MARCHF1: variants seen among roughly 807,000 people sequenced by gnomAD.
The protein encoded by MARCHF1 is membrane associated ring-CH-type finger 1.
Under a neutral mutation model 54.2 loss-of-function variants are expected in MARCHF1, and 40 were observed. The observed-to-expected ratio is 0.74, with a 90% CI of 0.57 to 0.96. MARCHF1 has a LOEUF of 0.96. Ranked by LOEUF, MARCHF1 falls within the 40% of genes least tolerant of loss-of-function variation. The pLI, the probability that MARCHF1 is intolerant of heterozygous loss-of-function variation, is 0.00. For synonymous variants in MARCHF1, 236 were observed against 236.3 expected (o/e 1.00, Z 0.01); for missense variants, 586 against 656.5 (o/e 0.89, Z 1.17).
At chr4:164,269,859 T>C (rs1437182107) in intron 1 of MARCHF1, among the ~76,000 whole-genome samples, 3 of 152,158 alleles carry the variant, frequency 2.0e-5, no homozygotes, top group Non-Finnish European at 2.9e-5. Context: ...CATTTAAGCA[T>C]GTTACATAGC....
At chr4:163,854,917 C>G (rs933543475) in intron 3 of MARCHF1, among the ~76,000 whole-genome samples, 1 of 152,104 alleles carries the variant, frequency 6.6e-6, no homozygotes, top group Non-Finnish European at 1.5e-5. Context: ...AGTTTTACAG[C>G]CTACTTTTCC....
chr4:164,269,566 T>G (rs558844401), intron 1 of MARCHF1, among the ~76,000 whole-genome samples: 2 of 152,326 alleles, frequency 1.3e-5, no homozygotes, highest in African/African-American at 4.8e-5. Flanking sequence ...CTAAATAAAT[T>G]TATTTCTTTG....
At chr4:164,360,890 C>A (rs1407356513) in intron 1 of MARCHF1, among the ~76,000 whole-genome samples, 1 of 151,958 alleles carries the variant, frequency 6.6e-6, no homozygotes, top group African/African-American at 2.4e-5. Context: ...GGTACTATTT[C>A]TATACTATTT....
chr4:164,328,305 T>C (rs1735335480), intron 1 of MARCHF1, among the ~76,000 whole-genome samples: 1 of 152,170 alleles, frequency 6.6e-6, no homozygotes, highest in Non-Finnish European at 1.5e-5. Context: ...GAGTAATCTT[T>C]AGATTTATGA....
intron 4 of MARCHF1, among the ~76,000 whole-genome samples, chr4:163,782,008 T>A (rs1463533891): frequency 3.3e-5 from 5 of 152,192 alleles, no homozygotes; most frequent in Non-Finnish European, 7.3e-5. Context: ...GATGCATCTT[T>A]CCCTCTGAGC....
intron 1 of MARCHF1, among the ~76,000 whole-genome samples, chr4:164,261,339 A>C (rs1426261153): frequency 6.6e-6 from 1 of 152,170 alleles, no homozygotes; most frequent in Non-Finnish European, 1.5e-5. Flanking sequence ...TCCAATTTCC[A>C]TATGAAGAAA....
intron 1 of MARCHF1, among the ~76,000 whole-genome samples, chr4:164,329,115 T>C (rs1735359268): frequency 6.6e-6 from 1 of 152,214 alleles, no homozygotes; most frequent in South Asian, 2.1e-4. Flanking sequence ...TATTCAATCA[T>C]TTGATCCTTG....
At chr4:163,574,949 A>C (rs1739985978) in intron 8 of MARCHF1, among the ~76,000 whole-genome samples, 1 of 151,982 alleles carries the variant, frequency 6.6e-6, no homozygotes, top group South Asian at 2.1e-4. Flanking sequence ...ACCCATGAGC[A>C]TGGAATGTTC....
intron 5 of MARCHF1, among the ~76,000 whole-genome samples, chr4:163,647,150 TA>T (rs1477658566): frequency 1.3e-5 from 2 of 151,976 alleles, no homozygotes; most frequent in East Asian, 3.9e-4. Context: ...CAAAAAATGT[TA>T]AAGTAGACAA....
chr4:163,570,744 C>G lies in MARCHF1; in HGVS notation c.1191+15005G>C, dbSNP rs537723032. The stretch of plus-strand genomic sequence containing the variant: ...TTTTAAAAATGGTAAGAGATTAAAT[C>G]TGCGATTTTCACTTCATTTGCAAAA... On this transcript the variant is annotated intron_variant, in intron 8 of 9. Transcript: ENST00000514618. 2.1e-3 allele frequency among the ~76,000 whole-genome samples: 325 copies of G among 152,186 alleles called. 1 individual carries two copies. Among genetic ancestry groups the G allele is most frequent in the African/African-American group, 7.5e-3 (310 of 41,542 alleles).
At chr4:163,888,284 C>T (rs1238967561) in intron 3 of MARCHF1, among the ~76,000 whole-genome samples, 2 of 152,024 alleles carry the variant, frequency 1.3e-5, no homozygotes, top group African/African-American at 4.8e-5. Context: ...AGTGAATATA[C>T]TAAAGAAAAG....
intron 3 of MARCHF1, among the ~76,000 whole-genome samples, chr4:163,854,551 C>A (rs1393404769): frequency 1.3e-5 from 2 of 152,248 alleles, no homozygotes; most frequent in East Asian, 1.9e-4. Context: ...TCAATGACAT[C>A]TAAAATTTGG....
At chr4:164,224,760 T>C (rs923036382) in intron 1 of MARCHF1, among the ~76,000 whole-genome samples, 1 of 152,030 alleles carries the variant, frequency 6.6e-6, no homozygotes, top group African/African-American at 2.4e-5. Flanking sequence ...TTCTTAGTCA[T>C]TTATTTAAAT....
intron 2 of MARCHF1, among the ~76,000 whole-genome samples, chr4:164,099,560 G>T (rs1755491174): frequency 6.6e-6 from 1 of 151,962 alleles, no homozygotes; most frequent in South Asian, 2.1e-4. Flanking sequence ...ATTACCTAAG[G>T]CATATTAGAA....
intron 5 of MARCHF1, among the ~76,000 whole-genome samples, chr4:163,690,680 G>C (rs1456844197): frequency 6.6e-6 from 1 of 152,152 alleles, no homozygotes; most frequent in African/African-American, 2.4e-5. Context: ...AAGAAAAAAG[G>C]AGGGGATATA....
intron 5 of MARCHF1, among the ~76,000 whole-genome samples, chr4:163,674,873 G>T (rs1743862467): frequency 6.6e-6 from 1 of 152,058 alleles, no homozygotes; most frequent in Non-Finnish European, 1.5e-5. Flanking sequence ...TTGAAATAAA[G>T]AACATAATAG....
chr4:164,197,171 C>T (rs764749105), intron 1 of MARCHF1: 16 of 1,608,016 alleles, frequency 1.0e-5, no homozygotes, highest in Non-Finnish European at 1.4e-5. Context: ...TCTTCCACTA[C>T]CTGAGCATCT....
chr4:163,565,282 T>A (rs539215394), intron 8 of MARCHF1, among the ~76,000 whole-genome samples: 1 of 152,216 alleles, frequency 6.6e-6, no homozygotes, highest in African/African-American at 2.4e-5. Flanking sequence ...TTCACTGTAA[T>A]GACATGATAT....
At chr4:163,915,207 T>C (rs1051018909) in intron 3 of MARCHF1, among the ~76,000 whole-genome samples, 1 of 152,088 alleles carries the variant, frequency 6.6e-6, no homozygotes, top group Non-Finnish European at 1.5e-5. Flanking sequence ...AATCTTAAGT[T>C]GTTTTGAAAT....
Sources: allele counts gnomAD v4.1 joint callset (sites outside exome capture counted in the v4.1 genomes callset), GRCh38; gene constraint gnomAD v4.1.1; transcripts MANE v1.5; gene names NCBI Gene and HGNC (gene_info 2026-07-23, HGNC 2026-07-21).